Variants in FMN2 observed in about 807,000 individuals in gnomAD.
FMN2 encodes formin-2.
Under a neutral mutation model 142.3 loss-of-function variants are expected in FMN2, and 51 were observed. The ratio of observed to expected loss-of-function variants is 0.36; its 90% CI spans 0.29 to 0.45. FMN2 has a LOEUF of 0.45. FMN2 is among the 20% of genes least tolerant of loss of function. The pLI, the probability that FMN2 is intolerant of heterozygous loss-of-function variation, is 1.00. For synonymous variants in FMN2, 882 were observed against 869.8 expected (o/e 1.01, Z -0.25); for missense variants, 1,936 against 2,122.8 (o/e 0.91, Z 1.73).
intron 7 of FMN2, among the ~76,000 whole-genome samples, chr1:240,285,435 A>C (rs1259981138): frequency 6.6e-6 from 1 of 152,016 alleles, no homozygotes; most frequent in South Asian, 2.1e-4. Context: ...TTCAGGAAGG[A>C]GGTCGGAAGC....
Position 240,257,034 on chromosome 1 carries a change from A to C in FMN2, c.4066-911A>C, listed in dbSNP as rs555997069. On this transcript the variant is annotated intron_variant, in intron 6 of 17. Coordinates refer to ENST00000319653, the MANE Select transcript of FMN2 (RefSeq NM_020066.5). ...TGTCACTTCTGGTAATTTGACTATA[A>C]CCACTTTCTTTCCTTTTCCTCCAGT... Among the ~76,000 whole-genome samples the C allele has an allele frequency of 2.0e-5, 3 of 152,278 alleles. No homozygotes were observed. In the South Asian group the frequency reaches 6.2e-4, roughly 32 times the overall value.
intron 8 of FMN2, among the ~76,000 whole-genome samples, chr1:240,307,240 CT>C (rs1670440359): frequency 1.0e-5 from 1 of 97,074 alleles, no homozygotes; most frequent in African/African-American, 1.1e-4. Flanking sequence ...TGCAGAAGCT[CT>C]CTTTGGTTTA....
intron 16 of FMN2, among the ~76,000 whole-genome samples, chr1:240,445,989 A>G (rs574049856): frequency 6.6e-6 from 1 of 152,290 alleles, no homozygotes; most frequent in Non-Finnish European, 1.5e-5. Context: ...AGAAAATTGT[A>G]AATGTCAGCT....
intron 2 of FMN2, among the ~76,000 whole-genome samples, chr1:240,172,663 G>A (rs1664755003): frequency 6.6e-6 from 1 of 152,014 alleles, no homozygotes; most frequent in Non-Finnish European, 1.5e-5. Context: ...GCTTAGGGGG[G>A]AGCAATGAAT....
intron 4 of FMN2, among the ~76,000 whole-genome samples, chr1:240,196,008 G>A (rs938364648): frequency 6.6e-6 from 1 of 152,156 alleles, no homozygotes; most frequent in South Asian, 2.1e-4. Flanking sequence ...ACCCTGTCTT[G>A]AAAAAACCAA....
intron 7 of FMN2, chr1:240,285,330 C>T (rs762664828): frequency 2.2e-5 from 10 of 454,578 alleles, no homozygotes; most frequent in Non-Finnish European, 4.0e-5. Flanking sequence ...ATGGAGGCTC[C>T]GTCATGTAAG....
intron 13 of FMN2, among the ~76,000 whole-genome samples, chr1:240,354,728 A>G (rs1672207624): frequency 6.6e-6 from 1 of 152,206 alleles, no homozygotes; most frequent in African/African-American, 2.4e-5. Flanking sequence ...GGAAGGGAAA[A>G]AAGAGGACAC....
chr1:240,356,009 A>ATACATATT, intron 14 of FMN2, 101 bp downstream of exon 14: 1 of 754,734 alleles, frequency 1.3e-6, no homozygotes, highest in Non-Finnish European at 2.1e-6. Context: ...TGTTTAAAAA[A>ATACATATT]TACATATTGC....
rs1671296151 is a variant in FMN2 at position 240,329,174 on chromosome 1, A to G, written c.4307+7A>G. On this transcript the variant is annotated splice_region_variant and intron_variant, in intron 9 of 17. Transcript: ENST00000319653. ...CTCTGGACAAACCTGAACAGTAAGCATGTCTTATAACCACGTAGAGGGCGT... is the reference window on the plus strand; with the variant it reads ...CTCTGGACAAACCTGAACAGTAAGCGTGTCTTATAACCACGTAGAGGGCGT... 3 of 1,614,048 alleles carry G rather than the reference A, an allele frequency of 1.9e-6. No homozygotes were observed. Among genetic ancestry groups the G allele is most frequent in the South Asian group, 1.1e-5 (1 of 91,046 alleles).
At chr1:240,376,784 G>T (rs1017313504) in intron 14 of FMN2, among the ~76,000 whole-genome samples, 2 of 152,078 alleles carry the variant, frequency 1.3e-5, no homozygotes, top group African/African-American at 4.8e-5. Flanking sequence ...GATATTGAGG[G>T]ACAACTATAT....
chr1:240,360,862 A>C (rs978427705), intron 14 of FMN2, among the ~76,000 whole-genome samples: 1 of 152,060 alleles, frequency 6.6e-6, no homozygotes, highest in Non-Finnish European at 1.5e-5. Context: ...TCAGCAAACT[A>C]TCGCAAGGAC....
rs34050336 is a variant in FMN2, at chr1:240,184,236, C to CTTTTTTTTTTTTTTTTTTTT, written c.1931-3966_1931-3947dup. On this transcript the variant is annotated intron_variant, in intron 3 of 17. Transcript: ENST00000319653. ...AACTTTTTAAAATGGAATATTTAACCTTTTTTTTTTTTTTTTTTTTTTTTG... is the reference window on the plus strand; with the variant it reads ...AACTTTTTAAAATGGAATATTTAACCTTTTTTTTTTTTTTTTTTTTTTTTTTTTTTTTTTTTTTTTTTTTG... Among the ~76,000 whole-genome samples the CTTTTTTTTTTTTTTTTTTTT allele has an allele frequency of 5.0e-5, 4 of 79,450 alleles. 1 individual carries two copies. The highest frequency in any genetic ancestry group is 1.5e-4 in the African/African-American group (3 of 20,012). The allele number at this position is 79,450 out of a possible 152,430, so 52.1% of individuals were successfully genotyped here. A position where few individuals can be genotyped will look rare whatever the true frequency, so the allele number is the denominator to read the frequency against.
Position 240,438,077 on chromosome 1 carries a change from G to T in FMN2, c.4927G>T (p.Ala1643Ser). Residue 1643 changes from alanine (A) to serine (S), a missense_variant, in exon 16 of 18, where the codon GCA becomes TCA. Ala to Ser is a moderately conservative substitution (Grantham distance 99). Coordinates refer to ENST00000319653, the MANE Select transcript of FMN2 (RefSeq NM_020066.5). ...ETHKCFLETT[A>S]YFFMKPKLGE... is the part of the protein sequence containing the mutation. ...ATTTGACAGCTTTTTGGAGACCACG[G>T]CATATTTCTTCATGAAACCAAAACT... The T allele has an allele frequency of 1.9e-6, 3 of 1,613,670 alleles. No homozygotes were observed. Among genetic ancestry groups the T allele is most frequent in the Non-Finnish European group, 2.5e-6 (3 of 1,179,884 alleles).
chr1:240,155,544 G>A (rs1041584682), intron 2 of FMN2, among the ~76,000 whole-genome samples: 1 of 152,124 alleles, frequency 6.6e-6, no homozygotes, highest in Non-Finnish European at 1.5e-5. Context: ...GCCTCTCAAA[G>A]TGCTGGGATT....
intron 7 of FMN2, among the ~76,000 whole-genome samples, chr1:240,261,721 T>A (rs1193192418): frequency 6.6e-6 from 1 of 152,084 alleles, no homozygotes; most frequent in Non-Finnish European, 1.5e-5. Flanking sequence ...AGAGGTCAGG[T>A]TCCTAAGTTT....
At chr1:240,470,012 G>A (rs1171686692) in intron 16 of FMN2, among the ~76,000 whole-genome samples, 1 of 152,118 alleles carries the variant, frequency 6.6e-6, no homozygotes, top group Non-Finnish European at 1.5e-5. Context: ...AATTAAAAAT[G>A]TTTGTATTAG....
rs143339374 is a variant in FMN2 at position 240,197,003 on chromosome 1, G to A, written c.1986+8741G>A. ...CTAAAATCCTTGGAATCTTCGAAGA[G>A]GTTAAGTGTCTTTTTATATGCTACT... On this transcript the variant is annotated intron_variant, in intron 4 of 17. Coordinates refer to ENST00000319653, the MANE Select transcript of FMN2 (RefSeq NM_020066.5). 3.9e-5 allele frequency among the ~76,000 whole-genome samples: 6 copies of A among 152,276 alleles called. No homozygotes were observed. In the East Asian group the frequency reaches 9.7e-4, roughly 25 times the overall value.
At chr1:240,353,714 T>C (rs938785666) in intron 13 of FMN2, among the ~76,000 whole-genome samples, 3 of 152,222 alleles carry the variant, frequency 2.0e-5, no homozygotes, top group Admixed American at 2.0e-4. Context: ...AATCATCTAC[T>C]TCAAAGGGTT....
At chr1:240,268,194 G>T (rs1380466810) in intron 7 of FMN2, among the ~76,000 whole-genome samples, 1 of 152,028 alleles carries the variant, frequency 6.6e-6, no homozygotes, top group African/African-American at 2.4e-5. Context: ...TAAGAGGGAA[G>T]AAATGGGAGT....
Sources: gnomAD v4.1 joint callset for allele counts (sites outside exome capture counted in the v4.1 genomes callset) on GRCh38, gnomAD v4.1.1 for gene constraint, MANE v1.5 for transcripts, NCBI Gene and HGNC (gene_info 2026-07-23, HGNC 2026-07-21) for gene names.